Variants in AGTPBP1 observed in about 807,000 individuals in gnomAD.
AGTPBP1 encodes the protein cytosolic carboxypeptidase 1.
AGTPBP1 carries 70 observed loss-of-function variants against 143.9 expected under a neutral mutation model. The ratio of observed to expected loss-of-function variants is 0.49; its 90% CI spans 0.40 to 0.59. The LOEUF is 0.59. Ranked by LOEUF, AGTPBP1 falls within the 20% of genes least tolerant of loss-of-function variation. The pLI is 0.00. For synonymous variants in AGTPBP1, 463 were observed against 500.2 expected (o/e 0.93, Z 0.99); for missense variants, 1,229 against 1,464.5 (o/e 0.84, Z 2.62).
At position 85,692,677 on chromosome 9, in the gene AGTPBP1, A is replaced by T. The variant is rs1348741210; in HGVS notation, c.157+12T>A. The stretch of plus-strand genomic sequence containing the variant: ...AAAGCATTTCAAAAACAAAGAAGAG[A>T]TCAATGTTTACCTTGACTCTGAGCC... On this transcript the variant is annotated intron_variant, in intron 3 of 25. Transcript: ENST00000357081. The T allele has an allele frequency of 3.1e-6, 5 of 1,611,174 alleles. No homozygotes were observed. Among genetic ancestry groups the T allele is most frequent in the Non-Finnish European group, 4.2e-6 (5 of 1,179,222 alleles).
rs535391751 is a variant in AGTPBP1, at chr9:85,657,717, A to G, written c.701-74T>C. The G allele has an allele frequency of 7.4e-5, 77 of 1,036,012 alleles. 1 individual carries two copies. In the South Asian group the frequency reaches 1.1e-3, roughly 15 times the overall value. 64.2% of individuals were successfully genotyped at this position (1,036,012 alleles called of 1,614,324 possible). ...GAGTGGTAGAATAATCAAATTTAAAATATTACCTCAATATTGTGATGGATA... is the reference window on the plus strand; with the variant it reads ...GAGTGGTAGAATAATCAAATTTAAAGTATTACCTCAATATTGTGATGGATA... On this transcript the variant is annotated intron_variant, in intron 9 of 25. Transcript: ENST00000357081.
Position 85,741,905 on chromosome 9 carries a change from AGGC to A in AGTPBP1, c.-167_-165del, listed in dbSNP as rs199589522. Reference sequence around the variant, plus strand: ...CAAACCCCGGTGGCAGGCGAGGCGGAGGCGGCGGCGGCGGCAGCTGCGGCGGCG... The same window carrying A: ...CAAACCCCGGTGGCAGGCGAGGCGGAGGCGGCGGCGGCAGCTGCGGCGGCG... On this transcript the variant is annotated 5_prime_UTR_variant, in exon 1 of 26. Transcript: ENST00000357081. The A allele has an allele frequency of 0.046, 62,051 of 1,335,254 alleles. 1,533 individuals carry two copies. Among genetic ancestry groups the A allele is most frequent in the Middle Eastern group, 0.07 (246 of 3,536 alleles). 82.7% of individuals were successfully genotyped at this position (1,335,254 alleles called of 1,614,324 possible).
chr9:85,696,190 C>T (rs1836226706), intron 2 of AGTPBP1, among the ~76,000 whole-genome samples: 1 of 152,062 alleles, frequency 6.6e-6, no homozygotes, highest in African/African-American at 2.4e-5. Context: ...GAGCCTGTCA[C>T]TTCAAAGGAA....
chr9:85,585,472 C>T lies in AGTPBP1; in HGVS notation c.3156G>A (p.Thr1052=), dbSNP rs768499798. The T allele has an allele frequency of 9.4e-6, 15 of 1,600,678 alleles. No individual in the cohort carries two copies. Among genetic ancestry groups the T allele is most frequent in the South Asian group, 5.7e-5 (5 of 87,840 alleles). ...CATCTGTAATAATTACCCTGTATCC[C>T]GTATCCTCCACAACATCACATGAAG... ...NATSCDVVED[T]GYRTLPKILS... Residue 1052 remains threonine, a synonymous_variant, in exon 23 of 26, where the codon ACG becomes ACA. Transcript: ENST00000357081.
intron 20 of AGTPBP1, 151 bp downstream of exon 20, chr9:85,589,377 G>T: frequency 1.1e-6 from 1 of 947,728 alleles, no homozygotes; most frequent in Non-Finnish European, 1.5e-6. Flanking sequence ...CCAGAGGTGG[G>T]CTCATGGCTA....
intron 23 of AGTPBP1, among the ~76,000 whole-genome samples, chr9:85,584,124 G>C (rs760273864): frequency 3.3e-5 from 5 of 152,008 alleles, no homozygotes; most frequent in Non-Finnish European, 7.4e-5. Flanking sequence ...CCTCTCACTA[G>C]TCTCATTTTC....
chr9:85,743,772 G>C (rs1327539477), upstream of AGTPBP1, among the ~76,000 whole-genome samples: 1 of 152,118 alleles, frequency 6.6e-6, no homozygotes, highest in Admixed American at 6.5e-5. Flanking sequence ...TTTGAAGCCT[G>C]TCCACCAACA....
intron 25 of AGTPBP1, among the ~76,000 whole-genome samples, chr9:85,564,422 G>A (rs1826945952): frequency 6.6e-6 from 1 of 152,166 alleles, no homozygotes; most frequent in South Asian, 2.1e-4. Context: ...TTTGCCTCAG[G>A]ACAAATTATA....
chr9:85,746,053 C>T (rs1220897493), upstream of AGTPBP1, among the ~76,000 whole-genome samples: 1 of 152,090 alleles, frequency 6.6e-6, no homozygotes, highest in Non-Finnish European at 1.5e-5. Context: ...CAACATGGTG[C>T]AGATCAACAG....
chr9:85,593,679 T>C (rs1456736671), intron 18 of AGTPBP1, among the ~76,000 whole-genome samples: 1 of 152,204 alleles, frequency 6.6e-6, no homozygotes. Context: ...TGTGGAAGTA[T>C]GAGTAAAAGT....
intron 8 of AGTPBP1, among the ~76,000 whole-genome samples, chr9:85,662,717 A>G (rs548443531): frequency 7.2e-5 from 11 of 152,300 alleles, no homozygotes; most frequent in African/African-American, 2.2e-4. Flanking sequence ...GCCTAGGGCC[A>G]CATAAAATCT....
intron 25 of AGTPBP1, among the ~76,000 whole-genome samples, chr9:85,554,430 A>G (rs762955487): frequency 1.5e-4 from 23 of 152,340 alleles, no homozygotes; most frequent in Admixed American, 1.2e-3. Flanking sequence ...GAGCAACAGA[A>G]ATTTCTGGTA....
chr9:85,561,502 TGAAA>T (rs113429170), intron 25 of AGTPBP1, among the ~76,000 whole-genome samples: 6 of 152,104 alleles, frequency 3.9e-5, no homozygotes, highest in Non-Finnish European at 5.9e-5. Context: ...TTTGATGTGC[TGAAA>T]GAGAGTAAAT....
intron 14 of AGTPBP1, among the ~76,000 whole-genome samples, chr9:85,624,953 G>T (rs910588041): frequency 6.6e-6 from 1 of 151,974 alleles, no homozygotes; most frequent in Non-Finnish European, 1.5e-5. Context: ...CCTCTATCAG[G>T]GTATAGACAG....
the AGTPBP1 span, among the ~76,000 whole-genome samples, chr9:85,792,549 G>A: frequency 2.0e-5 from 3 of 152,174 alleles, no homozygotes; most frequent in Non-Finnish European, 4.4e-5. Flanking sequence ...TGTTAGACAT[G>A]ACTAGAAAGA....
chr9:85,777,073 G>C, the AGTPBP1 span, among the ~76,000 whole-genome samples: 1 of 152,160 alleles, frequency 6.6e-6, no homozygotes, highest in African/African-American at 2.4e-5. Flanking sequence ...GCTTCAGGAT[G>C]ATGGGGACCT....
intron 25 of AGTPBP1, among the ~76,000 whole-genome samples, chr9:85,552,926 G>A (rs10868320): frequency 6.6e-6 from 1 of 152,034 alleles, no homozygotes. Context: ...ATTGGCAATT[G>A]GTGAATTGCT....
the AGTPBP1 span, among the ~76,000 whole-genome samples, chr9:85,770,853 T>G: frequency 2.0e-5 from 3 of 152,024 alleles, no homozygotes; most frequent in African/African-American, 7.2e-5. Context: ...GCCCTCCAAG[T>G]TTTGATTCCC....
chr9:85,621,322 T>C (rs1422353297), intron 14 of AGTPBP1, 37 bp from the exon 15 acceptor site: 2 of 967,072 alleles, frequency 2.1e-6, no homozygotes, highest in Non-Finnish European at 1.4e-6. Flanking sequence ...TATATTATTA[T>C]ACACTAATGT....
Sources: allele counts gnomAD v4.1 joint callset (sites outside exome capture counted in the v4.1 genomes callset), GRCh38; gene constraint gnomAD v4.1.1; transcripts MANE v1.5; gene names NCBI Gene and HGNC (gene_info 2026-07-23, HGNC 2026-07-21).